The following LINGO2 variants were observed in gnomAD, a reference collection of about 807,000 sequenced individuals.
LINGO2 encodes leucine-rich repeat and immunoglobulin-like domain-containing nogo receptor-interacting protein 2.
Under a neutral mutation model 30.6 loss-of-function variants are expected in LINGO2, and 14 were observed. That is an observed-to-expected ratio of 0.46 (90% CI 0.30 to 0.72). The LOEUF (loss-of-function observed/expected upper bound fraction) is 0.72. LINGO2 is among the 30% of genes least tolerant of loss of function. The pLI is 0.07. For missense variants in LINGO2, 729 were observed against 751.7 expected (o/e 0.97, Z 0.35); for synonymous variants, 317 against 288.5 (o/e 1.10, Z -1.00).
At chr9:28,921,999 C>T in the LINGO2 span, among the ~76,000 whole-genome samples, 1 of 152,180 alleles carries the variant, frequency 6.6e-6, no homozygotes, top group African/African-American at 2.4e-5. Flanking sequence ...AGGTTCCTGT[C>T]ACTGCCCCAT....
chr9:28,273,232 C>A (rs1293610396), intron 4 of LINGO2, among the ~76,000 whole-genome samples: 1 of 152,256 alleles, frequency 6.6e-6, no homozygotes, highest in Admixed American at 6.5e-5. Context: ...TTATTTTATA[C>A]CCAAGAGTTA....
intron 5 of LINGO2, among the ~76,000 whole-genome samples, chr9:27,985,280 G>T (rs991690330): frequency 6.6e-6 from 1 of 151,880 alleles, no homozygotes; most frequent in East Asian, 1.9e-4. Context: ...ATGTGAAAGT[G>T]TAATAATTTT....
At chr9:28,571,497 T>C (rs1035320931) in intron 1 of LINGO2, among the ~76,000 whole-genome samples, 12 of 152,162 alleles carry the variant, frequency 7.9e-5, no homozygotes, top group Admixed American at 2.0e-4. Context: ...ACATTCTCTC[T>C]AATTCATAAA....
At chr9:28,554,179 C>A (rs2135517400) in intron 1 of LINGO2, among the ~76,000 whole-genome samples, 1 of 151,804 alleles carries the variant, frequency 6.6e-6, no homozygotes, top group Non-Finnish European at 1.5e-5. Context: ...GGACTAAATG[C>A]TCCAATTAAA....
intron 4 of LINGO2, among the ~76,000 whole-genome samples, chr9:28,171,824 C>T (rs9657615): frequency 0.26 from 39,133 of 148,306 alleles, 5,115 homozygotes; most frequent in African/African-American, 0.32. Flanking sequence ...CTGGCTAACA[C>T]GGTGAAACCC....
At chr9:28,133,727 C>A (rs1827438273) in intron 4 of LINGO2, among the ~76,000 whole-genome samples, 1 of 152,152 alleles carries the variant, frequency 6.6e-6, no homozygotes, top group East Asian at 1.9e-4. Flanking sequence ...CATCCCTCTT[C>A]AATCTTCTTT....
the LINGO2 span, among the ~76,000 whole-genome samples, chr9:29,149,747 A>G: frequency 6.6e-6 from 1 of 152,228 alleles, no homozygotes; most frequent in East Asian, 1.9e-4. Flanking sequence ...TGGAGCCCAA[A>G]GGGGTTTGAT....
At chr9:29,043,375 G>C in the LINGO2 span, among the ~76,000 whole-genome samples, 1 of 151,966 alleles carries the variant, frequency 6.6e-6, no homozygotes, top group Non-Finnish European at 1.5e-5. Flanking sequence ...AAAGCTTGAA[G>C]ATGATAAGGT....
the LINGO2 span, among the ~76,000 whole-genome samples, chr9:28,986,349 G>A: frequency 1.3e-5 from 2 of 151,800 alleles, no homozygotes; most frequent in South Asian, 2.1e-4. Context: ...GATTGCCTTG[G>A]CTATTCAAGG....
the LINGO2 span, among the ~76,000 whole-genome samples, chr9:29,078,240 G>A: frequency 6.6e-6 from 1 of 151,918 alleles, no homozygotes; most frequent in East Asian, 1.9e-4. Context: ...GTATGCTACA[G>A]GCAGAGTGGT....
At chr9:28,042,741 A>G (rs891818865) in intron 4 of LINGO2, among the ~76,000 whole-genome samples, 1 of 152,074 alleles carries the variant, frequency 6.6e-6, no homozygotes, top group African/African-American at 2.4e-5. Flanking sequence ...TGCAATCAAT[A>G]TCATCTTATA....
chr9:28,100,184 A>T (rs1210825861), intron 4 of LINGO2, among the ~76,000 whole-genome samples: 1 of 152,192 alleles, frequency 6.6e-6, no homozygotes, highest in Non-Finnish European at 1.5e-5. Context: ...TGGAAGTTCA[A>T]AATTATTTGA....
At chr9:28,933,396 G>C in the LINGO2 span, among the ~76,000 whole-genome samples, 1 of 152,248 alleles carries the variant, frequency 6.6e-6, no homozygotes, top group South Asian at 2.1e-4. Context: ...TCCGCCAATC[G>C]CATAAGAACT....
At chr9:28,224,851 G>A (rs758810812) in intron 4 of LINGO2, among the ~76,000 whole-genome samples, 1 of 152,080 alleles carries the variant, frequency 6.6e-6, no homozygotes, top group Non-Finnish European at 1.5e-5. Context: ...CAAAGCCTGA[G>A]GCACCACACT....
intron 5 of LINGO2, among the ~76,000 whole-genome samples, chr9:28,004,929 A>G (rs528733760): frequency 6.6e-6 from 1 of 152,180 alleles, no homozygotes; most frequent in Non-Finnish European, 1.5e-5. Flanking sequence ...TATGATTTTT[A>G]AAACCATCAA....
the LINGO2 span, among the ~76,000 whole-genome samples, chr9:29,092,718 T>A: frequency 7.3e-6 from 1 of 137,158 alleles, no homozygotes. Flanking sequence ...GCATTTAAAG[T>A]TCAAAGTGAT....
chr9:28,846,866 A>AT, the LINGO2 span, among the ~76,000 whole-genome samples: 1 of 147,350 alleles, frequency 6.8e-6, no homozygotes, highest in East Asian at 2.0e-4. Context: ...TCACATTTAC[A>AT]TATTCATTGT....
the LINGO2 span, among the ~76,000 whole-genome samples, chr9:29,073,667 C>G: frequency 6.6e-6 from 1 of 151,978 alleles, no homozygotes; most frequent in Non-Finnish European, 1.5e-5. Flanking sequence ...AACTATATGC[C>G]CCACATACTC....
At chr9:29,125,920 T>C in the LINGO2 span, among the ~76,000 whole-genome samples, 1 of 152,122 alleles carries the variant, frequency 6.6e-6, no homozygotes, top group Non-Finnish European at 1.5e-5. Context: ...AAGCAAAATA[T>C]AAAAATCAAT....
Sources: gnomAD v4.1 joint callset for allele counts (sites outside exome capture counted in the v4.1 genomes callset) on GRCh38, gnomAD v4.1.1 for gene constraint, MANE v1.5 for transcripts, NCBI Gene and HGNC (gene_info 2026-07-23, HGNC 2026-07-21) for gene names.